Variants in RBFOX1 observed in about 807,000 individuals in gnomAD.
RBFOX1 encodes RNA binding protein fox-1 homolog 1.
In RBFOX1, 8 loss-of-function variants were observed where a neutral mutation model predicts 57.7. That is an observed-to-expected ratio of 0.14 (90% CI 0.08 to 0.25). The LOEUF (loss-of-function observed/expected upper bound fraction) is 0.25. RBFOX1 is among the 10% of genes least tolerant of loss of function. The probability of loss-of-function intolerance (pLI) is 1.00; values close to 1 mark genes in which losing one functional copy is unlikely to be tolerated. For missense variants in RBFOX1, 611 were observed against 548.5 expected (o/e 1.11, Z -1.14); for synonymous variants, 326 against 222.4 (o/e 1.47, Z -4.15).
At chr16:6,645,508 A>G (rs1313787567) in intron 2 of RBFOX1, among the ~76,000 whole-genome samples, 1 of 152,052 alleles carries the variant, frequency 6.6e-6, no homozygotes, top group Non-Finnish European at 1.5e-5. Flanking sequence ...GGCATGAATA[A>G]CCCTGACCTA....
chr16:6,833,653 C>T (rs1037592107), intron 3 of RBFOX1, among the ~76,000 whole-genome samples: 6 of 152,174 alleles, frequency 3.9e-5, no homozygotes, highest in African/African-American at 1.4e-4. Context: ...CTCATGTCTT[C>T]CCATTGGCAC....
At chr16:6,535,669 G>C (rs2096725304) in intron 2 of RBFOX1, among the ~76,000 whole-genome samples, 1 of 152,152 alleles carries the variant, frequency 6.6e-6, no homozygotes, top group African/African-American at 2.4e-5. Flanking sequence ...GTAAAGACCA[G>C]GATCCTGACC....
chr16:5,898,637 G>C (rs867314700), intron 4 of RBFOX1, among the ~76,000 whole-genome samples: 1 of 151,918 alleles, frequency 6.6e-6, no homozygotes, highest in South Asian at 2.1e-4. Context: ...GGCCCAGAGA[G>C]GTTGTCCAAA....
intron 4 of RBFOX1, among the ~76,000 whole-genome samples, chr16:7,230,847 G>T (rs1346411103): frequency 6.6e-6 from 1 of 152,094 alleles, no homozygotes; most frequent in East Asian, 1.9e-4. Context: ...TACTGCAGAG[G>T]GCAGCTCATT....
chr16:7,519,863 T>A, intron 5 of RBFOX1: 1 of 405,696 alleles, frequency 2.5e-6, no homozygotes. Context: ...ATTTGGAGGC[T>A]AGTTTTGACG....
intron 3 of RBFOX1, among the ~76,000 whole-genome samples, chr16:6,771,814 T>G (rs1377357217): frequency 2.6e-5 from 4 of 152,164 alleles, no homozygotes; most frequent in Non-Finnish European, 4.4e-5. Flanking sequence ...GTGGCAATTG[T>G]ACCAAGACTG....
intron 4 of RBFOX1, among the ~76,000 whole-genome samples, chr16:7,102,587 G>T (rs948337656): frequency 6.6e-6 from 1 of 152,066 alleles, no homozygotes; most frequent in African/African-American, 2.4e-5. Context: ...TAATAATTAG[G>T]CAGTGATCGA....
intron 3 of RBFOX1, among the ~76,000 whole-genome samples, chr16:5,708,704 G>C (rs933925349): frequency 3.3e-5 from 5 of 152,140 alleles, no homozygotes; most frequent in Admixed American, 6.5e-5. Flanking sequence ...TTGTTCCAGT[G>C]GTATATCTGG....
chr16:5,890,876 C>T (rs1485195573), intron 4 of RBFOX1, among the ~76,000 whole-genome samples: 7 of 152,162 alleles, frequency 4.6e-5, no homozygotes, highest in African/African-American at 9.6e-5. Context: ...AAATGGAATA[C>T]GGTCAAACAG....
At chr16:5,943,810 T>C (rs1485156806) in intron 4 of RBFOX1, among the ~76,000 whole-genome samples, 1 of 152,146 alleles carries the variant, frequency 6.6e-6, no homozygotes, top group African/African-American at 2.4e-5. Context: ...TTCACCCACC[T>C]ACCCACTCAC....
At chr16:5,793,809 C>T (rs746263127) in intron 3 of RBFOX1, among the ~76,000 whole-genome samples, 6 of 152,170 alleles carry the variant, frequency 3.9e-5, no homozygotes, top group Non-Finnish European at 1.5e-5. Flanking sequence ...GTGTGCATTG[C>T]ATGCGTGCAT....
At chr16:6,215,978 A>G (rs1243810137) in intron 1 of RBFOX1, among the ~76,000 whole-genome samples, 1 of 152,220 alleles carries the variant, frequency 6.6e-6, no homozygotes, top group Non-Finnish European at 1.5e-5. Flanking sequence ...TGTCCTTTGC[A>G]GGGACATGGA....
intron 4 of RBFOX1, among the ~76,000 whole-genome samples, chr16:6,008,154 G>A (rs567669696): frequency 6.6e-6 from 1 of 152,146 alleles, no homozygotes; most frequent in South Asian, 2.1e-4. Flanking sequence ...GCAGTGAGTC[G>A]AGCTGGTGCC....
chr16:5,809,824 G>C (rs1246851727), intron 3 of RBFOX1, among the ~76,000 whole-genome samples: 4 of 151,982 alleles, frequency 2.6e-5, no homozygotes, highest in Admixed American at 2.0e-4. Flanking sequence ...CCCATTACTG[G>C]GTATATACCC....
chr16:7,134,321 A>G (rs2071322663), intron 4 of RBFOX1, among the ~76,000 whole-genome samples: 1 of 152,178 alleles, frequency 6.6e-6, no homozygotes, highest in African/African-American at 2.4e-5. Context: ...CAGAAAGTAG[A>G]CTAAGTGATG....
At chr16:6,397,483 C>T (rs1372470424) in intron 2 of RBFOX1, among the ~76,000 whole-genome samples, 1 of 152,106 alleles carries the variant, frequency 6.6e-6, no homozygotes, top group Non-Finnish European at 1.5e-5. Flanking sequence ...AAGATGCATT[C>T]AGACAAATGA....
In RBFOX1 at chr16:7,109,822, A is replaced by G. The variant is rs1215304056; in HGVS notation, c.27+57724A>G. Reference sequence around the variant, plus strand: ...ACCTGAATTGACACCTTCTTGGCACAGCCTTGCACTACGTGATGAGGTGAG... The same window carrying G: ...ACCTGAATTGACACCTTCTTGGCACGGCCTTGCACTACGTGATGAGGTGAG... On this transcript the variant is annotated intron_variant, in intron 4 of 15. Transcript: ENST00000550418. 1.2e-4 allele frequency among the ~76,000 whole-genome samples: 19 copies of G among 152,190 alleles called. 1 individual carries two copies. The highest frequency in any genetic ancestry group is 1.5e-5 in the Non-Finnish European group (1 of 68,042).
intron 1 of RBFOX1, among the ~76,000 whole-genome samples, chr16:6,117,435 C>T (rs188351901): frequency 8.5e-5 from 13 of 152,356 alleles, no homozygotes; most frequent in East Asian, 7.7e-4. Context: ...TGAATGGTTC[C>T]GCTCCAAAAT....
chr16:5,252,606 G>A (rs575505828), intron 1 of RBFOX1, among the ~76,000 whole-genome samples: 14 of 150,218 alleles, frequency 9.3e-5, no homozygotes, highest in Non-Finnish European at 7.4e-5. Context: ...CAGCCCCAGG[G>A]GCCTGGGCAG....
Sources: allele counts gnomAD v4.1 joint callset (sites outside exome capture counted in the v4.1 genomes callset), GRCh38; gene constraint gnomAD v4.1.1; transcripts MANE v1.5; gene names NCBI Gene and HGNC (gene_info 2026-07-23, HGNC 2026-07-21).